Variants in LPGAT1 observed in about 807,000 individuals in gnomAD.
LPGAT1 encodes acyl-CoA:lysophosphatidylglycerol acyltransferase 1.
A neutral mutation model predicts 47.5 loss-of-function variants in LPGAT1; 11 were observed. That is an observed-to-expected ratio of 0.23 (90% confidence interval 0.15 to 0.38). LPGAT1 has a LOEUF of 0.38. Among genes scored for constraint, LPGAT1 ranks in the 10% least tolerant of loss-of-function variants. The pLI, the probability that LPGAT1 is intolerant of heterozygous loss-of-function variation, is 1.00. For missense variants in LPGAT1, 293 were observed against 439.0 expected (o/e 0.67, Z 2.97); for synonymous variants, 138 against 144.2 (o/e 0.96, Z 0.31).
At chr1:211,801,644 G>C (rs1659577743) in intron 2 of LPGAT1, among the ~76,000 whole-genome samples, 1 of 150,992 alleles carries the variant, frequency 6.6e-6, no homozygotes, top group African/African-American at 2.4e-5. Flanking sequence ...GGAGTTCAAA[G>C]CTACAGTGAG....
intron 2 of LPGAT1, among the ~76,000 whole-genome samples, chr1:211,805,982 G>A (rs1035399526): frequency 5.3e-5 from 8 of 152,148 alleles, no homozygotes; most frequent in South Asian, 2.1e-4. Context: ...ATATCAGGCC[G>A]GGCGCAGTGG....
chr1:211,750,969 T>C lies in LPGAT1; in HGVS notation c.953A>G (p.Tyr318Cys), dbSNP rs1425060392. Residue 318 changes from tyrosine (Y) to cysteine (C), a missense_variant, in exon 7 of 8, where the codon TAT (tyrosine) becomes TGT (cysteine). Physicochemically the swap from Tyr to Cys is radical, Grantham distance 194. Transcript: ENST00000366997. ...TAAAGGTTACTGTGTACCTGTTTCA[T>C]AAAAATGTGATAAGAGGTCTTCTTT... ...VEKEDLLSHF[Y>C]ETGAFPPSKG... is the part of the protein sequence containing the mutation. 1.2e-6 allele frequency: 2 copies of C among 1,610,146 alleles called. No individual in the cohort carries two copies. The highest frequency in any genetic ancestry group is 1.7e-4 in the Middle Eastern group (1 of 6,004).
intron 2 of LPGAT1, among the ~76,000 whole-genome samples, chr1:211,820,165 G>A (rs1045515632): frequency 2.0e-5 from 3 of 152,072 alleles, no homozygotes; most frequent in Non-Finnish European, 1.5e-5. Context: ...AACACACCCA[G>A]GTGTCATATG....
intron 2 of LPGAT1, among the ~76,000 whole-genome samples, chr1:211,811,127 A>G (rs1467169494): frequency 1.3e-5 from 2 of 152,218 alleles, no homozygotes; most frequent in Non-Finnish European, 2.9e-5. Flanking sequence ...AAGTAATTGG[A>G]AAGTCAAGAG....
chr1:211,793,929 T>C (rs759070695), intron 2 of LPGAT1, among the ~76,000 whole-genome samples: 1 of 152,212 alleles, frequency 6.6e-6, no homozygotes, highest in Non-Finnish European at 1.5e-5. Context: ...TCTTATTCAC[T>C]AACCCAAAAA....
At chr1:211,757,562 T>C (rs139771043) in intron 6 of LPGAT1, among the ~76,000 whole-genome samples, 23 of 152,336 alleles carry the variant, frequency 1.5e-4, no homozygotes, top group African/African-American at 5.5e-4. Context: ...GCAATAGTTG[T>C]AGTGACTGCA....
chr1:211,755,952 A>C (rs1482978051), intron 6 of LPGAT1, among the ~76,000 whole-genome samples: 1 of 152,186 alleles, frequency 6.6e-6, no homozygotes, highest in South Asian at 2.1e-4. Flanking sequence ...TTGCTGCTGT[A>C]AAATCCCCTA....
Position 211,830,614 on chromosome 1 carries a change from G to T in LPGAT1, c.-69C>A. On this transcript the variant is annotated 5_prime_UTR_variant, in exon 1 of 8. Transcript: ENST00000366997. The surrounding 1 kb of genome is among the most constrained non-coding windows in gnomAD (Gnocchi z 5.9). ...CCCAGCCGGGGCTTTGGGAGTCAGAGGAGCCGGAAGAATGCATGGCCGGCG... is the reference window on the plus strand; with the variant it reads ...CCCAGCCGGGGCTTTGGGAGTCAGATGAGCCGGAAGAATGCATGGCCGGCG... 2 of 1,207,846 alleles carry T rather than the reference G, an allele frequency of 1.7e-6. No homozygotes were observed. The highest frequency in any genetic ancestry group is 2.1e-6 in the Non-Finnish European group (2 of 972,496). 74.8% of individuals were successfully genotyped at this position (1,207,846 alleles called of 1,614,324 possible).
chr1:211,786,865 T>A (rs1265194795), intron 4 of LPGAT1, among the ~76,000 whole-genome samples: 2 of 152,144 alleles, frequency 1.3e-5, no homozygotes, highest in African/African-American at 4.8e-5. Flanking sequence ...GATACAATAG[T>A]AGTAATCAAG....
At chr1:211,789,916 C>T (rs960727657) in intron 3 of LPGAT1, among the ~76,000 whole-genome samples, 1 of 151,012 alleles carries the variant, frequency 6.6e-6, no homozygotes. Context: ...ACAATTAATC[C>T]TTTGTTTCAT....
At position 211,830,628 on chromosome 1, in the gene LPGAT1, G is replaced by A. The variant is rs867995246; in HGVS notation, c.-83C>T. On this transcript the variant is annotated 5_prime_UTR_variant, in exon 1 of 8. Coordinates refer to ENST00000366997, the MANE Select transcript of LPGAT1 (RefSeq NM_014873.3). This position sits in a 1 kb window ranked among gnomAD's most constrained non-coding sequence, Gnocchi z 5.9. Reference sequence around the variant, plus strand: ...TGGGAGTCAGAGGAGCCGGAAGAATGCATGGCCGGCGGCGGGGCCGGCGGA... The same window carrying A: ...TGGGAGTCAGAGGAGCCGGAAGAATACATGGCCGGCGGCGGGGCCGGCGGA... 52 of 1,204,400 alleles carry A rather than the reference G, an allele frequency of 4.3e-5. No individual in the cohort carries two copies. In the Middle Eastern group the frequency reaches 1.3e-3, roughly 30 times the overall value. 74.6% of individuals were successfully genotyped at this position (1,204,400 alleles called of 1,614,324 possible). A position where few individuals can be genotyped will look rare whatever the true frequency, so the allele number is the denominator to read the frequency against.
At chr1:211,758,130 T>C (rs1657540639) in intron 6 of LPGAT1, among the ~76,000 whole-genome samples, 2 of 152,212 alleles carry the variant, frequency 1.3e-5, no homozygotes, top group African/African-American at 4.8e-5. Context: ...CCATTTGAAG[T>C]GGATTTGAAA....
At chr1:211,761,412 T>C (rs1161949065) in intron 6 of LPGAT1, among the ~76,000 whole-genome samples, 1 of 152,146 alleles carries the variant, frequency 6.6e-6, no homozygotes, top group Non-Finnish European at 1.5e-5. Flanking sequence ...ATGAAAGTTC[T>C]GTGGGGCTTT....
intron 2 of LPGAT1, among the ~76,000 whole-genome samples, chr1:211,820,107 G>A (rs1660318166): frequency 6.6e-6 from 1 of 152,184 alleles, no homozygotes; most frequent in Non-Finnish European, 1.5e-5. Context: ...CTTCTAGAAG[G>A]TCTAGACATT....
chr1:211,762,858 G>C (rs6680326), intron 6 of LPGAT1, among the ~76,000 whole-genome samples: 2 of 151,970 alleles, frequency 1.3e-5, no homozygotes, highest in Non-Finnish European at 2.9e-5. Flanking sequence ...GAATTTTTAC[G>C]TCAAGACTCC....
chr1:211,752,664 T>TTGCCCAATCAGATC (rs1200194951), intron 6 of LPGAT1, among the ~76,000 whole-genome samples: 1 of 150,696 alleles, frequency 6.6e-6, no homozygotes, highest in Non-Finnish European at 1.5e-5. Flanking sequence ...AAAGACCACC[T>TTGCCCAATCAGATC]TGCCCAATCA....
At chr1:211,825,260 C>T (rs1195483408) in intron 2 of LPGAT1, among the ~76,000 whole-genome samples, 1 of 125,326 alleles carries the variant, frequency 8.0e-6, no homozygotes, top group Non-Finnish European at 1.6e-5. Context: ...GGCATGATCA[C>T]AGCTCACTGT....
intron 6 of LPGAT1, among the ~76,000 whole-genome samples, chr1:211,778,350 A>AG (rs1424693905): frequency 1.3e-5 from 2 of 150,878 alleles, no homozygotes; most frequent in East Asian, 3.9e-4. Flanking sequence ...TCAAAAAAAA[A>AG]AAAAAAAAAA....
At chr1:211,789,019 A>G (rs911685974) in intron 3 of LPGAT1, among the ~76,000 whole-genome samples, 1 of 152,226 alleles carries the variant, frequency 6.6e-6, no homozygotes, top group African/African-American at 2.4e-5. Context: ...CTCCTACTCC[A>G]TCAGCTTTAC....
Sources: gnomAD v4.1 joint callset for allele counts (sites outside exome capture counted in the v4.1 genomes callset) on GRCh38, gnomAD v4.1.1 for gene constraint, Gnocchi (gnomAD v3.1) non-coding constraint, MANE v1.5 for transcripts, NCBI Gene and HGNC (gene_info 2026-07-23, HGNC 2026-07-21) for gene names.